PIK3R4: variants seen among roughly 807,000 people sequenced by gnomAD.
The protein encoded by PIK3R4 is phosphoinositide-3-kinase regulatory subunit 4, also known as phosphoinositide 3-kinase regulatory subunit 4.
In PIK3R4, 46 loss-of-function variants were observed where a neutral mutation model predicts 136.5. That is an observed-to-expected ratio of 0.34 (90% CI 0.27 to 0.43). The LOEUF (loss-of-function observed/expected upper bound fraction) is 0.43. Among genes scored for constraint, PIK3R4 ranks in the 20% least tolerant of loss-of-function variants. The pLI is 1.00. For synonymous variants in PIK3R4, 557 were observed against 566.7 expected (o/e 0.98, Z 0.24); for missense variants, 1,331 against 1,649.5 (o/e 0.81, Z 3.35).
intron 14 of PIK3R4, among the ~76,000 whole-genome samples, chr3:130,686,861 GA>G (rs1036730155): frequency 2.0e-5 from 3 of 152,108 alleles, no homozygotes; most frequent in African/African-American, 7.2e-5. Flanking sequence ...TATTTTTGAA[GA>G]CTACTGGTTA....
chr3:130,681,456 A>AAT lies in PIK3R4; in HGVS notation c.3708+33_3708+34dup, dbSNP rs201118353. 10,562 of 1,226,082 alleles carry AAT rather than the reference A, an allele frequency of 8.6e-3. 79 individuals are homozygous for AAT. Among genetic ancestry groups the AAT allele is most frequent in the Middle Eastern group, 0.03 (158 of 5,304 alleles). The allele number at this position is 1,226,082 out of a possible 1,614,324, so 76.0% of individuals were successfully genotyped here. A position where few individuals can be genotyped will look rare whatever the true frequency, so the allele number is the denominator to read the frequency against. ...TGAAAGTACTTAGGATGTGGGGAAT[A>AAT]ATATCATCCTTTACAGTAAAAACTG... is the stretch of plus-strand genomic sequence containing the variant. On this transcript the variant is annotated intron_variant, in intron 17 of 19. Coordinates refer to ENST00000356763, the MANE Select transcript of PIK3R4 (RefSeq NM_014602.3).
chr3:130,719,664 G>A (rs556640010), intron 7 of PIK3R4, among the ~76,000 whole-genome samples: 10 of 152,144 alleles, frequency 6.6e-5, no homozygotes, highest in East Asian at 1.9e-4. Context: ...AACCCATAAC[G>A]GTTTGACAGG....
At chr3:130,682,014 G>C (rs1370819923) in intron 16 of PIK3R4, among the ~76,000 whole-genome samples, 1 of 152,170 alleles carries the variant, frequency 6.6e-6, no homozygotes, top group Non-Finnish European at 1.5e-5. Context: ...CTCTAAATCT[G>C]ACCTGAATGA....
In PIK3R4 at chr3:130,728,515, T is replaced by C. The variant is rs1391574396; in HGVS notation, c.1755A>G (p.Leu585=). The C allele has an allele frequency of 2.5e-6, 4 of 1,613,562 alleles. No homozygotes were observed. Among genetic ancestry groups the C allele is most frequent in the African/African-American group, 2.7e-5 (2 of 74,878 alleles). The change falls in exon 6 of 20, where the codon CTA becomes CTG. Residue 585 remains leucine (L), a synonymous_variant. Transcript: ENST00000356763. ...DVLLSHMITF[L]NDKNDWHLRG... ...GTAGATGCCAATCATTCTTATCATT[T>C]AGGAAAGTAATCATGTGGGACAACA...
intron 3 of PIK3R4, 62 bp downstream of exon 3, chr3:130,735,807 A>G (rs2066782807): frequency 6.8e-7 from 1 of 1,461,062 alleles, no homozygotes. Context: ...AATCTGATTA[A>G]AGCAAAAGTG....
chr3:130,743,896 A>T (rs1434163154), intron 2 of PIK3R4, among the ~76,000 whole-genome samples: 1 of 152,230 alleles, frequency 6.6e-6, no homozygotes, highest in Non-Finnish European at 1.5e-5. Flanking sequence ...TCCAGAAAAC[A>T]CATCAGTGCA....
intron 3 of PIK3R4, 25 bp from the exon 4 acceptor site, chr3:130,734,155 T>A: frequency 6.5e-7 from 1 of 1,538,468 alleles, no homozygotes; most frequent in Non-Finnish European, 8.8e-7. Context: ...GAAAAGGAAT[T>A]AAAATAGATT....
chr3:130,686,536 C>CT, intron 14 of PIK3R4, 114 bp from the exon 15 acceptor site: 4 of 652,468 alleles, frequency 6.1e-6, no homozygotes, highest in Non-Finnish European at 1.1e-5. Context: ...CTATGTGACT[C>CT]TATCAAGAAA....
intron 2 of PIK3R4, among the ~76,000 whole-genome samples, chr3:130,739,992 C>A (rs1385946062): frequency 1.3e-5 from 2 of 152,122 alleles, no homozygotes; most frequent in African/African-American, 4.8e-5. Context: ...TGAGTAAGGG[C>A]TATACTCTAG....
intron 16 of PIK3R4, 56 bp downstream of exon 16, chr3:130,684,192 TTA>T: frequency 6.7e-7 from 1 of 1,499,524 alleles, no homozygotes; most frequent in Non-Finnish European, 9.2e-7. Flanking sequence ...TGGCAACAGG[TTA>T]TTATGTACTT....
chr3:130,700,305 TTTAAG>T (rs1559822624), intron 13 of PIK3R4, among the ~76,000 whole-genome samples: 1 of 152,204 alleles, frequency 6.6e-6, no homozygotes, highest in Non-Finnish European at 1.5e-5. Context: ...CTCATATTGT[TTTAAG>T]TTTTCACTGT....
intron 11 of PIK3R4, 148 bp downstream of exon 11, chr3:130,706,800 T>C: frequency 2.0e-6 from 1 of 502,396 alleles, no homozygotes; most frequent in Non-Finnish European, 3.4e-6. Flanking sequence ...AAATTAAAGA[T>C]AAACCTGTCT....
chr3:130,737,491 C>G (rs1025528657), intron 2 of PIK3R4, among the ~76,000 whole-genome samples: 1 of 152,146 alleles, frequency 6.6e-6, no homozygotes, highest in East Asian at 1.9e-4. Context: ...GAAACCCTAT[C>G]TCTACTGAAA....
rs998597476 is a variant in PIK3R4 at position 130,744,415 on chromosome 3, A to C, written c.733+71T>G. On this transcript the variant is annotated intron_variant, in intron 2 of 19. Transcript: ENST00000356763. ...CTTTTCAATATCTGGTGACTAAAAA[A>C]AGCCACATTTCTGTTTAACAGTTAA... The C allele has an allele frequency of 4.0e-6, 6 of 1,484,054 alleles. No homozygotes were observed. In the African/African-American group the frequency reaches 8.4e-5, roughly 21 times the overall value. The allele number at this position is 1,484,054 out of a possible 1,614,324, so 91.9% of individuals were successfully genotyped here. A position where few individuals can be genotyped will look rare whatever the true frequency, so the allele number is the denominator to read the frequency against.
intron 15 of PIK3R4, among the ~76,000 whole-genome samples, chr3:130,685,411 T>C (rs183144740): frequency 4.6e-5 from 7 of 152,318 alleles, no homozygotes; most frequent in Admixed American, 3.3e-4. Flanking sequence ...AAAGAAATTT[T>C]ACAAAAGCAG....
At chr3:130,723,062 C>CAAAAAAAAAA (rs61129038) in intron 7 of PIK3R4, among the ~76,000 whole-genome samples, 2 of 19,500 alleles carry the variant, frequency 1.0e-4, no homozygotes, top group African/African-American at 3.5e-4. Context: ...GAGACTGTCG[C>CAAAAAAAAAA]AAAAAAAAAA....
chr3:130,679,708 A>AAACTT, intron 19 of PIK3R4, among the ~76,000 whole-genome samples: 1 of 152,314 alleles, frequency 6.6e-6, no homozygotes, highest in Non-Finnish European at 1.5e-5. Context: ...TAACTATGGA[A>AAACTT]AACTTATCTT....
chr3:130,684,421 C>A, intron 15 of PIK3R4, 40 bp from the exon 16 acceptor site: 2 of 1,556,428 alleles, frequency 1.3e-6, no homozygotes, highest in South Asian at 2.2e-5. Flanking sequence ...ATCTAATGAT[C>A]AAAGTGCATC....
rs543155374 is a variant in PIK3R4, at chr3:130,705,727, C to T, written c.2766G>A (p.Pro922=). The stretch of plus-strand genomic sequence containing the variant: ...ATGGTAAGATTGTACTACTTAAAAC[C>T]GGTATTACTGGTTTTTTATTTTGGA... The part of the protein sequence containing the change: ...TTVQNKKPVI[P]VLSSTILPST... Residue 922 remains proline (P), a synonymous_variant, in exon 12 of 20, where the codon CCG becomes CCA. Transcript: ENST00000356763. The T allele has an allele frequency of 8.1e-6, 13 of 1,611,894 alleles. No homozygotes were observed. Among genetic ancestry groups the T allele is most frequent in the South Asian group, 5.5e-5 (5 of 91,034 alleles).
Sources: gnomAD v4.1 joint callset for allele counts (sites outside exome capture counted in the v4.1 genomes callset) on GRCh38, gnomAD v4.1.1 for gene constraint, MANE v1.5 for transcripts, NCBI Gene and HGNC (gene_info 2026-07-23, HGNC 2026-07-21) for gene names.